The following LRRTM4 variants were observed in gnomAD, a reference collection of about 807,000 sequenced individuals.
LRRTM4 encodes the protein leucine-rich repeat transmembrane neuronal protein 4.
A neutral mutation model predicts 47.6 loss-of-function variants in LRRTM4; 25 were observed. The observed-to-expected ratio is 0.53, with a 90% CI of 0.38 to 0.73. The LOEUF (loss-of-function observed/expected upper bound fraction) is 0.73, where lower values mean the gene tolerates loss of function less well. Among genes scored for constraint, LRRTM4 ranks in the 30% least tolerant of loss-of-function variants. LRRTM4 has a pLI of 0.00. For synonymous variants in LRRTM4, 311 were observed against 269.5 expected (o/e 1.15, Z -1.51); for missense variants, 638 against 713.4 (o/e 0.89, Z 1.20).
At chr2:77,405,176 C>CT (rs1233877394) in intron 3 of LRRTM4, among the ~76,000 whole-genome samples, 2 of 152,058 alleles carry the variant, frequency 1.3e-5, no homozygotes, top group Non-Finnish European at 2.9e-5. Context: ...AAAGCTTCCA[C>CT]TTATCAGTCT....
intron 3 of LRRTM4, among the ~76,000 whole-genome samples, chr2:76,795,435 C>G (rs531128094): frequency 2.0e-5 from 3 of 151,972 alleles, no homozygotes; most frequent in Middle Eastern, 6.8e-3. Flanking sequence ...TCATTATTTC[C>G]TAAATAAAAC....
chr2:76,799,307 C>CT lies in LRRTM4; in HGVS notation c.1552-50392_1552-50391insA, dbSNP rs1165951709. On this transcript the variant is annotated intron_variant, in intron 3 of 3. Coordinates refer to ENST00000409884, the MANE Select transcript of LRRTM4 (RefSeq NM_001134745.3). ...CAAGGCTGGTTCAATATACGCAAAT[C>CT]AATAAATGTAATCCAGCATATAACC... Among the ~76,000 whole-genome samples, 121 of 109,686 alleles carry CT rather than the reference C, an allele frequency of 1.1e-3. 22 individuals carry two copies. The highest frequency in any genetic ancestry group is 1.8e-3 in the Non-Finnish European group (102 of 58,270). The allele number at this position is 109,686 out of a possible 152,430, so 72.0% of individuals were successfully genotyped here. A position where few individuals can be genotyped will look rare whatever the true frequency, so the allele number is the denominator to read the frequency against.
At chr2:77,207,779 C>T (rs773867675) in intron 3 of LRRTM4, among the ~76,000 whole-genome samples, 9 of 140,804 alleles carry the variant, frequency 6.4e-5, no homozygotes, top group Non-Finnish European at 1.1e-4. Context: ...AAATTATATT[C>T]TGTTTTTTCC....
chr2:77,068,519 G>T (rs1221461988), intron 3 of LRRTM4, among the ~76,000 whole-genome samples: 2 of 152,020 alleles, frequency 1.3e-5, no homozygotes, highest in Non-Finnish European at 2.9e-5. Flanking sequence ...TCCTAGATTT[G>T]CCTATCCTGA....
chr2:76,916,063 G>T (rs529482601), intron 3 of LRRTM4, among the ~76,000 whole-genome samples: 1 of 152,032 alleles, frequency 6.6e-6, no homozygotes, highest in African/African-American at 2.4e-5. Context: ...AAATAGAAAT[G>T]ATGAGACAGA....
At chr2:77,257,502 C>G (rs13432531) in intron 3 of LRRTM4, among the ~76,000 whole-genome samples, 18,707 of 151,944 alleles carry the variant, frequency 0.12, 3,859 homozygotes, top group African/African-American at 0.42. Context: ...AGGCAGAGCA[C>G]TTTTTTGCTG....
At chr2:77,277,618 T>C (rs1293525256) in intron 3 of LRRTM4, among the ~76,000 whole-genome samples, 1 of 152,052 alleles carries the variant, frequency 6.6e-6, no homozygotes, top group African/African-American at 2.4e-5. Flanking sequence ...AATGGTAATT[T>C]GGATAATTTC....
chr2:77,084,991 A>G (rs1468955588), intron 3 of LRRTM4, among the ~76,000 whole-genome samples: 1 of 152,188 alleles, frequency 6.6e-6, no homozygotes. Flanking sequence ...TTGTTATGTG[A>G]AAAAGCTTAC....
intron 3 of LRRTM4, among the ~76,000 whole-genome samples, chr2:77,460,304 T>C (rs895576628): frequency 6.6e-6 from 1 of 152,126 alleles, no homozygotes; most frequent in Admixed American, 6.6e-5. Flanking sequence ...TTATTATGTG[T>C]AGTGGGAGGA....
At chr2:76,766,309 A>G (rs1354149948) in intron 3 of LRRTM4, among the ~76,000 whole-genome samples, 2 of 152,138 alleles carry the variant, frequency 1.3e-5, no homozygotes, top group Non-Finnish European at 2.9e-5. Context: ...CCATTTATAT[A>G]TATTTAGGCT....
intron 3 of LRRTM4, among the ~76,000 whole-genome samples, chr2:77,136,636 T>C (rs951379242): frequency 5.3e-5 from 8 of 152,158 alleles, no homozygotes. Flanking sequence ...GAATGACTTT[T>C]ATGAGTTGAG....
At chr2:77,177,062 A>C (rs1381488823) in intron 3 of LRRTM4, among the ~76,000 whole-genome samples, 1 of 152,334 alleles carries the variant, frequency 6.6e-6, no homozygotes, top group Non-Finnish European at 1.5e-5. Flanking sequence ...ATACATATTA[A>C]TAATTCACTA....
chr2:77,202,128 A>C (rs543785396), intron 3 of LRRTM4, among the ~76,000 whole-genome samples: 57 of 152,236 alleles, frequency 3.7e-4, no homozygotes, highest in African/African-American at 1.4e-3. Context: ...TGTTGTCAGT[A>C]ACAGTGAAAG....
intron 3 of LRRTM4, among the ~76,000 whole-genome samples, chr2:76,998,241 A>G (rs1573426395): frequency 6.6e-6 from 1 of 152,036 alleles, no homozygotes; most frequent in East Asian, 1.9e-4. Flanking sequence ...GTTATATACA[A>G]TACACTGCCT....
chr2:76,758,164 T>C (rs779151514), intron 3 of LRRTM4, among the ~76,000 whole-genome samples: 4 of 152,176 alleles, frequency 2.6e-5, no homozygotes, highest in Non-Finnish European at 4.4e-5. Context: ...ATGCAACTGA[T>C]TTGCTTGCCT....
intron 3 of LRRTM4, among the ~76,000 whole-genome samples, chr2:76,781,354 G>T (rs1042036740): frequency 4.6e-5 from 7 of 152,066 alleles, no homozygotes; most frequent in Admixed American, 1.3e-4. Context: ...CCCCCAGCCT[G>T]GCTGCCGCCT....
intron 3 of LRRTM4, among the ~76,000 whole-genome samples, chr2:76,886,905 T>C (rs1002585012): frequency 5.9e-5 from 9 of 152,110 alleles, no homozygotes; most frequent in Middle Eastern, 3.4e-3. Flanking sequence ...AAGACGACTA[T>C]TGATTCAACC....
rs559457431 is a variant in LRRTM4, at chr2:77,169,702, T to C, written c.1551+348616A>G. 1.3e-4 allele frequency among the ~76,000 whole-genome samples: 20 copies of C among 152,242 alleles called. No individual in the cohort carries two copies. The South Asian group carries it at 3.3e-3, about 25-fold the overall frequency. On this transcript the variant is annotated intron_variant, in intron 3 of 3. Coordinates refer to ENST00000409884, the MANE Select transcript of LRRTM4 (RefSeq NM_001134745.3). The stretch of plus-strand genomic sequence containing the variant: ...AAATAATACATCAGCATGTAAACCC[T>C]TGCCAGGTGCCAGTGCCATGTCCCT...
intron 3 of LRRTM4, among the ~76,000 whole-genome samples, chr2:76,855,297 A>G (rs1288911978): frequency 2.0e-5 from 3 of 152,236 alleles, no homozygotes; most frequent in Admixed American, 6.5e-5. Context: ...ATTCCTATCT[A>G]GGACAAAGAT....
Sources: gnomAD v4.1 joint callset for allele counts (sites outside exome capture counted in the v4.1 genomes callset) on GRCh38, gnomAD v4.1.1 for gene constraint, MANE v1.5 for transcripts, NCBI Gene and HGNC (gene_info 2026-07-23, HGNC 2026-07-21) for gene names.